The following PTPRT variants were observed in gnomAD, a reference collection of about 807,000 sequenced individuals.
PTPRT encodes receptor-type tyrosine-protein phosphatase T.
A neutral mutation model predicts 176.8 loss-of-function variants in PTPRT; 56 were observed. The ratio of observed to expected loss-of-function variants is 0.32; its 90% CI spans 0.26 to 0.40. The LOEUF (loss-of-function observed/expected upper bound fraction) is 0.40, where lower values mean the gene tolerates loss of function less well. Ranked by LOEUF, PTPRT falls within the 10% of genes least tolerant of loss-of-function variation. PTPRT has a pLI of 1.00. For synonymous variants in PTPRT, 783 were observed against 739.0 expected (o/e 1.06, Z -0.96); for missense variants, 1,540 against 1,908.2 (o/e 0.81, Z 3.60).
At chr20:42,411,822 A>C (rs1356843355) in intron 9 of PTPRT, among the ~76,000 whole-genome samples, 3 of 143,554 alleles carry the variant, frequency 2.1e-5, no homozygotes, top group Non-Finnish European at 4.5e-5. Context: ...AAACAGTTTC[A>C]CTGGGGAATT....
intron 1 of PTPRT, among the ~76,000 whole-genome samples, chr20:42,934,914 T>C (rs899870309): frequency 6.6e-6 from 1 of 151,148 alleles, no homozygotes; most frequent in East Asian, 1.9e-4. Flanking sequence ...ATTAAAAATA[T>C]AAAAAAAGAA....
intron 9 of PTPRT, among the ~76,000 whole-genome samples, chr20:42,411,592 GAAAGA>G (rs1372080948): frequency 2.7e-5 from 4 of 147,954 alleles, no homozygotes; most frequent in South Asian, 4.3e-4. Context: ...GACTGATCGA[GAAAGA>G]AAAGAAAGAA....
chr20:42,603,469 G>A (rs1476285888), intron 7 of PTPRT, among the ~76,000 whole-genome samples: 1 of 152,186 alleles, frequency 6.6e-6, no homozygotes, highest in African/African-American at 2.4e-5. Flanking sequence ...GGCCAGTACG[G>A]CTGGAGCATA....
intron 1 of PTPRT, among the ~76,000 whole-genome samples, chr20:43,168,065 C>T (rs2014901048): frequency 6.6e-6 from 1 of 152,158 alleles, no homozygotes; most frequent in Non-Finnish European, 1.5e-5. Flanking sequence ...TCCAACTTGT[C>T]GTTTCAGTTT....
chr20:42,064,658 A>T, the PTPRT span, among the ~76,000 whole-genome samples: 1 of 152,124 alleles, frequency 6.6e-6, no homozygotes, highest in Admixed American at 6.5e-5. Context: ...GAATTTTCTT[A>T]TCAGTCTTAA....
chr20:43,016,682 G>T, intron 1 of PTPRT, among the ~76,000 whole-genome samples: 1 of 149,584 alleles, frequency 6.7e-6, no homozygotes, highest in African/African-American at 2.5e-5. Context: ...TGGGACTATA[G>T]GTGCATCACC....
chr20:42,181,902 A>G (rs1031841134), intron 16 of PTPRT, among the ~76,000 whole-genome samples: 2 of 152,028 alleles, frequency 1.3e-5, no homozygotes, highest in Non-Finnish European at 2.9e-5. Context: ...GTAAAATTAA[A>G]AAAAAACAAC....
chr20:42,531,478 C>G (rs76073946), intron 7 of PTPRT, among the ~76,000 whole-genome samples: 3,216 of 152,238 alleles, frequency 0.021, 115 homozygotes, highest in African/African-American at 0.074. Context: ...GCTGGTTAGG[C>G]GAGGCCTTAA....
chr20:42,047,636 C>A, the PTPRT span, among the ~76,000 whole-genome samples: 1 of 152,196 alleles, frequency 6.6e-6, no homozygotes, highest in South Asian at 2.1e-4. Flanking sequence ...AAATGTGAGT[C>A]TAGTCCAGTA....
At chr20:42,981,743 A>G (rs6030577) in intron 1 of PTPRT, among the ~76,000 whole-genome samples, 319 of 152,348 alleles carry the variant, frequency 2.1e-3, no homozygotes, top group African/African-American at 7.4e-3. Flanking sequence ...TTGTACACAA[A>G]ATAAAACGGC....
At chr20:42,806,420 G>C (rs1338663362) in intron 2 of PTPRT, among the ~76,000 whole-genome samples, 2 of 149,966 alleles carry the variant, frequency 1.3e-5, no homozygotes, top group African/African-American at 2.5e-5. Context: ...GGAGGCGGAG[G>C]TTGCAGTGAG....
chr20:42,883,829 C>CAT (rs530700841), intron 2 of PTPRT, among the ~76,000 whole-genome samples: 2,539 of 15,708 alleles, frequency 0.16, 272 homozygotes, highest in African/African-American at 0.37. Context: ...TGCACACACA[C>CAT]ACACCCCCAT....
At chr20:42,101,816 C>T (rs1046075305) in intron 26 of PTPRT, among the ~76,000 whole-genome samples, 9 of 152,208 alleles carry the variant, frequency 5.9e-5, no homozygotes, top group East Asian at 3.9e-4. Flanking sequence ...GGCTGAGAGT[C>T]GGCTCTGTGG....
intron 7 of PTPRT, among the ~76,000 whole-genome samples, chr20:42,578,961 C>G (rs1343695382): frequency 2.7e-5 from 4 of 148,196 alleles, no homozygotes; most frequent in African/African-American, 5.1e-5. Context: ...ACAATGTGCA[C>G]GTTTGTTACA....
At chr20:42,393,584 G>A (rs758287375) in intron 9 of PTPRT, among the ~76,000 whole-genome samples, 12 of 152,108 alleles carry the variant, frequency 7.9e-5, no homozygotes, top group Non-Finnish European at 1.6e-4. Flanking sequence ...TAACACACAA[G>A]TTGGAATCTG....
At chr20:43,024,314 A>G (rs1168236518) in intron 1 of PTPRT, among the ~76,000 whole-genome samples, 1 of 152,128 alleles carries the variant, frequency 6.6e-6, no homozygotes, top group Non-Finnish European at 1.5e-5. Context: ...TATTAGTATC[A>G]GTGTTACTAC....
intron 6 of PTPRT, chr20:42,686,457 C>CTTTTTTTTTTTTTTTTT (rs71193668): frequency 1.3e-5 from 1 of 78,314 alleles, no homozygotes; most frequent in Non-Finnish European, 2.3e-5. Flanking sequence ...ATAGTGCACT[C>CTTTTTTTTTTTTTTTTT]TTTTTTTTTT....
At chr20:42,552,411 T>A (rs2072785662) in intron 7 of PTPRT, among the ~76,000 whole-genome samples, 1 of 152,134 alleles carries the variant, frequency 6.6e-6, no homozygotes, top group African/African-American at 2.4e-5. Context: ...TCAATAGTCT[T>A]GCCATAATGG....
chr20:43,056,283 C>T (rs1410980324), intron 1 of PTPRT, among the ~76,000 whole-genome samples: 2 of 152,196 alleles, frequency 1.3e-5, no homozygotes, highest in South Asian at 2.1e-4. Context: ...ACTACATCTT[C>T]GCATCCTTCC....
Sources: allele counts gnomAD v4.1 joint callset (sites outside exome capture counted in the v4.1 genomes callset), GRCh38; gene constraint gnomAD v4.1.1; transcripts MANE v1.5; gene names NCBI Gene and HGNC (gene_info 2026-07-23, HGNC 2026-07-21).